ANXA3: variants seen among roughly 807,000 people sequenced by gnomAD.
ANXA3 encodes the protein annexin A3.
A neutral mutation model predicts 48.8 loss-of-function variants in ANXA3; 46 were observed. That is an observed-to-expected ratio of 0.94 (90% CI 0.74 to 1.21). The LOEUF is 1.21. Ranked by LOEUF, ANXA3 falls within the 50% of genes most tolerant of loss-of-function variation. ANXA3 has a pLI of 0.00. For synonymous variants in ANXA3, 128 were observed against 134.7 expected, an observed-to-expected ratio of 0.95 and a Z score of 0.35; for missense variants, 383 against 378.6, an observed-to-expected ratio of 1.01 and a Z score of -0.10.
intron 2 of ANXA3, among the ~76,000 whole-genome samples, chr4:78,562,298 A>G (rs530144738): frequency 6.6e-6 from 1 of 152,364 alleles, no homozygotes; most frequent in South Asian, 2.1e-4. Context: ...ATAAGAGAAT[A>G]AATCAAAAGA....
At chr4:78,559,964 C>T (rs1722592261) in intron 2 of ANXA3, among the ~76,000 whole-genome samples, 1 of 152,114 alleles carries the variant, frequency 6.6e-6, no homozygotes, top group South Asian at 2.1e-4. Context: ...ATCGCTGCAA[C>T]TGTTTTTGTA....
intron 7 of ANXA3, among the ~76,000 whole-genome samples, chr4:78,592,361 C>T (rs1251596332): frequency 1.3e-5 from 2 of 152,198 alleles, no homozygotes; most frequent in African/African-American, 4.8e-5. Flanking sequence ...GTCTCAGCCT[C>T]ATGGTTGAAA....
chr4:78,558,726 T>C (rs1358891068), intron 2 of ANXA3, among the ~76,000 whole-genome samples: 5 of 152,382 alleles, frequency 3.3e-5, no homozygotes, highest in Middle Eastern at 3.4e-3. Context: ...TGAATATCTC[T>C]GCTCAGACAT....
At chr4:78,607,601 C>G (rs528921789) in intron 12 of ANXA3, among the ~76,000 whole-genome samples, 1 of 152,130 alleles carries the variant, frequency 6.6e-6, no homozygotes, top group South Asian at 2.1e-4. Flanking sequence ...AGCACAATTC[C>G]AAGCTTTTTA....
intron 2 of ANXA3, among the ~76,000 whole-genome samples, chr4:78,570,025 T>A (rs1341194265): frequency 6.6e-6 from 1 of 152,238 alleles, no homozygotes; most frequent in East Asian, 1.9e-4. Flanking sequence ...GTAAGATTAT[T>A]TTGTAAGTCA....
At chr4:78,594,656 G>A (rs1035789610) in intron 7 of ANXA3, among the ~76,000 whole-genome samples, 1 of 152,154 alleles carries the variant, frequency 6.6e-6, no homozygotes, top group African/African-American at 2.4e-5. Context: ...ATCTTTTCAT[G>A]TGCCATCTGT....
At chr4:78,561,499 C>T (rs1256279609) in intron 2 of ANXA3, among the ~76,000 whole-genome samples, 1 of 152,114 alleles carries the variant, frequency 6.6e-6, no homozygotes, top group Admixed American at 6.5e-5. Flanking sequence ...AGTGTCCTGT[C>T]CAGTTTCATA....
intron 6 of ANXA3, among the ~76,000 whole-genome samples, chr4:78,589,623 A>AT: frequency 6.6e-6 from 1 of 152,206 alleles, no homozygotes; most frequent in Admixed American, 6.5e-5. Flanking sequence ...GCTTATAAAT[A>AT]TTTGTGCATA....
chr4:78,564,840 G>T (rs1722696665), intron 2 of ANXA3, among the ~76,000 whole-genome samples: 1 of 152,150 alleles, frequency 6.6e-6, no homozygotes, highest in Non-Finnish European at 1.5e-5. Context: ...AAGAACTGAA[G>T]TGTGGGAACT....
chr4:78,552,620 G>A (rs543221446), intron 1 of ANXA3, among the ~76,000 whole-genome samples: 1 of 152,286 alleles, frequency 6.6e-6, no homozygotes, highest in African/African-American at 2.4e-5. Flanking sequence ...CTGGGTCGCT[G>A]GAGGCCCCTC....
intron 2 of ANXA3, 63 bp downstream of exon 2, chr4:78,554,551 G>A: frequency 6.8e-7 from 1 of 1,478,998 alleles, no homozygotes; most frequent in Non-Finnish European, 9.4e-7. Context: ...AACACAGAAG[G>A]TCAAGATAGC....
At chr4:78,593,251 G>C (rs1290774050) in intron 7 of ANXA3, among the ~76,000 whole-genome samples, 1 of 151,798 alleles carries the variant, frequency 6.6e-6, no homozygotes, top group Non-Finnish European at 1.5e-5. Context: ...CATCCAGACT[G>C]GAGTGCTGTG....
chr4:78,582,103 A>G (rs1346769989), intron 4 of ANXA3, 74 bp from the exon 5 acceptor site: 4 of 887,576 alleles, frequency 4.5e-6, no homozygotes, highest in East Asian at 2.5e-5. Flanking sequence ...ACATATGTTC[A>G]TCTTTCACTA....
intron 2 of ANXA3, among the ~76,000 whole-genome samples, chr4:78,565,085 C>T (rs1722704345): frequency 6.6e-6 from 1 of 151,104 alleles, no homozygotes; most frequent in Non-Finnish European, 1.5e-5. Flanking sequence ...CCTCTGCCTC[C>T]TGGGTTCAAG....
chr4:78,557,637 G>T (rs1247382618), intron 2 of ANXA3, among the ~76,000 whole-genome samples: 1 of 151,904 alleles, frequency 6.6e-6, no homozygotes, highest in East Asian at 1.9e-4. Context: ...AAACCCACAC[G>T]TGGAGAAAGA....
At chr4:78,571,452 T>C (rs182131690) in intron 2 of ANXA3, among the ~76,000 whole-genome samples, 47 of 152,342 alleles carry the variant, frequency 3.1e-4, no homozygotes, top group African/African-American at 1.1e-3. Flanking sequence ...TGAAATCAAT[T>C]ATTCAGTCTA....
intron 9 of ANXA3, chr4:78,596,925 A>G (rs1723434589): frequency 5.3e-6 from 1 of 189,882 alleles, no homozygotes; most frequent in South Asian, 1.0e-4. Flanking sequence ...CAGAATTAAG[A>G]TTTCTTTACC....
chr4:78,573,405 G>T (rs1281862205), intron 3 of ANXA3, 138 bp downstream of exon 3: 4 of 634,258 alleles, frequency 6.3e-6, no homozygotes, highest in Non-Finnish European at 8.2e-6. Context: ...AAATAACGAG[G>T]AAATATATAG....
chr4:78,586,454 C>T (rs1456593919), intron 6 of ANXA3, 104 bp downstream of exon 6: 1 of 773,830 alleles, frequency 1.3e-6, no homozygotes, highest in Non-Finnish European at 2.1e-6. Context: ...TTTGAGAAGA[C>T]AAGACTTACA....
Sources: gnomAD v4.1 joint callset for allele counts (sites outside exome capture counted in the v4.1 genomes callset) on GRCh38, gnomAD v4.1.1 for gene constraint, MANE v1.5 for transcripts, NCBI Gene and HGNC (gene_info 2026-07-23, HGNC 2026-07-21) for gene names.